Variants in GRM5 observed in about 807,000 individuals in gnomAD.
The protein encoded by GRM5 is metabotropic glutamate receptor 5.
In GRM5, 19 loss-of-function variants were observed where a neutral mutation model predicts 83.1. That is an observed-to-expected ratio of 0.23 (90% CI 0.16 to 0.34). The LOEUF is 0.34. Among genes scored for constraint, GRM5 ranks in the 10% least tolerant of loss-of-function variants. GRM5 has a pLI of 1.00. For synonymous variants in GRM5, 675 were observed against 633.6 expected (o/e 1.07, Z -0.98); for missense variants, 1,160 against 1,588.3 (o/e 0.73, Z 4.58).
chr11:88,760,442 C>T (rs1942488664), intron 3 of GRM5, among the ~76,000 whole-genome samples: 1 of 151,944 alleles, frequency 6.6e-6, no homozygotes, highest in Non-Finnish European at 1.5e-5. Flanking sequence ...TCTATGCACA[C>T]AAACTAGAAA....
At chr11:88,899,231 C>T (rs1357945436) in intron 2 of GRM5, among the ~76,000 whole-genome samples, 1 of 151,828 alleles carries the variant, frequency 6.6e-6, no homozygotes, top group Non-Finnish European at 1.5e-5. Flanking sequence ...TCTTGAGCAA[C>T]ATGAACATTC....
At chr11:88,841,769 C>A (rs1389928986) in intron 3 of GRM5, among the ~76,000 whole-genome samples, 3 of 152,168 alleles carry the variant, frequency 2.0e-5, no homozygotes, top group Non-Finnish European at 4.4e-5. Context: ...TCACTACTGA[C>A]ACTTTTGTTC....
chr11:88,687,579 A>ATATT (rs1250226972), intron 3 of GRM5, among the ~76,000 whole-genome samples: 23 of 46,780 alleles, frequency 4.9e-4, no homozygotes, highest in Middle Eastern at 7.7e-3. Flanking sequence ...ATATATATAT[A>ATATT]ATATATATAT....
chr11:88,992,647 G>A (rs1435449197), intron 2 of GRM5, among the ~76,000 whole-genome samples: 14 of 151,542 alleles, frequency 9.2e-5, no homozygotes, highest in African/African-American at 3.4e-4. Context: ...ACTAGATTAA[G>A]AAAATGTGTC....
At chr11:88,808,766 G>T (rs1277527628) in intron 3 of GRM5, among the ~76,000 whole-genome samples, 2 of 151,844 alleles carry the variant, frequency 1.3e-5, no homozygotes, top group Non-Finnish European at 2.9e-5. Context: ...TGAACTCCTG[G>T]CTTGGCAGAA....
chr11:88,984,733 T>A, intron 2 of GRM5: 1 of 706,448 alleles, frequency 1.4e-6, no homozygotes, highest in East Asian at 2.6e-5. Context: ...TTATTAAAGC[T>A]ATAGGAGAAA....
chr11:88,510,412 C>G (rs1476970459), intron 9 of GRM5, among the ~76,000 whole-genome samples: 1 of 152,230 alleles, frequency 6.6e-6, no homozygotes, highest in Admixed American at 6.5e-5. Flanking sequence ...GCCCTAGTAC[C>G]TCTCCTTACC....
At chr11:88,574,657 C>T (rs1276893537) in intron 7 of GRM5, among the ~76,000 whole-genome samples, 2 of 152,120 alleles carry the variant, frequency 1.3e-5, no homozygotes, top group Non-Finnish European at 2.9e-5. Flanking sequence ...GTCCCAGCTA[C>T]TCAGGAGGCT....
At chr11:88,792,589 C>A (rs1014084469) in intron 3 of GRM5, among the ~76,000 whole-genome samples, 8 of 151,986 alleles carry the variant, frequency 5.3e-5, no homozygotes, top group African/African-American at 1.9e-4. Context: ...TGATAAAGCT[C>A]CAGCTTACTT....
chr11:89,054,836 T>G (rs1309658927), intron 1 of GRM5, among the ~76,000 whole-genome samples: 1 of 152,252 alleles, frequency 6.6e-6, no homozygotes, highest in Non-Finnish European at 1.5e-5. Context: ...ACATAAAGAC[T>G]GGAAACATAT....
chr11:88,673,927 T>C (rs1323062098), intron 3 of GRM5, among the ~76,000 whole-genome samples: 1 of 151,480 alleles, frequency 6.6e-6, no homozygotes, highest in Non-Finnish European at 1.5e-5. Flanking sequence ...AGAGTATAAT[T>C]ACCAAGCATT....
chr11:88,883,223 G>A (rs1944990156), intron 2 of GRM5, among the ~76,000 whole-genome samples: 1 of 152,176 alleles, frequency 6.6e-6, no homozygotes. Flanking sequence ...GGAACAGTTT[G>A]GATGGCTCAG....
At chr11:88,925,765 A>T (rs1275246407) in intron 2 of GRM5, 3 of 453,254 alleles carry the variant, frequency 6.6e-6, no homozygotes, top group Non-Finnish European at 4.4e-6. Flanking sequence ...TACAAAAATT[A>T]CCTGGGTGTG....
At chr11:88,924,476 AAAG>A (rs1945752669) in intron 2 of GRM5, among the ~76,000 whole-genome samples, 1 of 152,104 alleles carries the variant, frequency 6.6e-6, no homozygotes, top group African/African-American at 2.4e-5. Flanking sequence ...CAGCCTTGAA[AAAG>A]AAGGCAATCC....
chr11:88,672,791 G>A (rs763508817), intron 3 of GRM5, among the ~76,000 whole-genome samples: 13 of 151,918 alleles, frequency 8.6e-5, no homozygotes, highest in Non-Finnish European at 1.9e-4. Flanking sequence ...TGGAAAAACT[G>A]AAAGGTACTA....
In GRM5 at chr11:88,651,595, G is replaced by A. The variant is rs1342909143; in HGVS notation, c.1147+1573C>T. ...AAATTTGAAATTGTGAGCCATAAGT[G>A]ACAGTGCTATTGTTTCTCACGTATT... On this transcript the variant is annotated intron_variant, in intron 4 of 9. Transcript: ENST00000305447. Among the ~76,000 whole-genome samples the A allele has an allele frequency of 6.6e-5, 10 of 152,186 alleles. No individual in the cohort carries two copies. The East Asian group carries it at 1.9e-3, about 29-fold the overall frequency.
intron 4 of GRM5, among the ~76,000 whole-genome samples, chr11:88,643,916 C>A (rs1939368506): frequency 6.6e-6 from 1 of 152,164 alleles, no homozygotes; most frequent in Non-Finnish European, 1.5e-5. Context: ...CAACCCACTT[C>A]AAATACTAGT....
At chr11:88,964,882 A>G (rs1423970108) in intron 2 of GRM5, among the ~76,000 whole-genome samples, 2 of 152,314 alleles carry the variant, frequency 1.3e-5, no homozygotes, top group South Asian at 2.1e-4. Context: ...GCAAATTGAA[A>G]GATAATAGAA....
intron 4 of GRM5, among the ~76,000 whole-genome samples, chr11:88,645,927 C>T (rs957240964): frequency 2.0e-5 from 3 of 152,088 alleles, no homozygotes; most frequent in Non-Finnish European, 4.4e-5. Flanking sequence ...CCTTGAGATA[C>T]AGCATGGATG....
Sources: allele counts gnomAD v4.1 joint callset (sites outside exome capture counted in the v4.1 genomes callset), GRCh38; gene constraint gnomAD v4.1.1; transcripts MANE v1.5; gene names NCBI Gene and HGNC (gene_info 2026-07-23, HGNC 2026-07-21).